AKAP19: variants seen among roughly 807,000 people sequenced by gnomAD.
AKAP19 encodes the protein small A-kinase anchoring protein.
the AKAP19 span, among the ~76,000 whole-genome samples, chr2:189,946,779 T>C: frequency 6.6e-6 from 1 of 152,328 alleles, no homozygotes; most frequent in East Asian, 1.9e-4. Context: ...ATGCTTTTAT[T>C]CTTTGGTTTT....
At chr2:190,151,069 A>G in the AKAP19 span, among the ~76,000 whole-genome samples, 1 of 152,230 alleles carries the variant, frequency 6.6e-6, no homozygotes, top group Non-Finnish European at 1.5e-5. Context: ...AAGAATACTT[A>G]TAAGCACTCA....
At chr2:190,145,803 A>C in the AKAP19 span, among the ~76,000 whole-genome samples, 1 of 149,458 alleles carries the variant, frequency 6.7e-6, no homozygotes, top group Non-Finnish European at 1.5e-5. Flanking sequence ...CTCTCTCTGT[A>C]TATATAGTGG....
chr2:189,970,658 G>A, the AKAP19 span, among the ~76,000 whole-genome samples: 1 of 152,180 alleles, frequency 6.6e-6, no homozygotes, highest in Non-Finnish European at 1.5e-5. Context: ...ACACTGCTAT[G>A]TTAAACAATA....
the AKAP19 span, among the ~76,000 whole-genome samples, chr2:190,070,852 C>T: frequency 6.6e-6 from 1 of 152,106 alleles, no homozygotes; most frequent in Non-Finnish European, 1.5e-5. Flanking sequence ...AATTCAAATA[C>T]TTGATAAAGT....
At chr2:190,049,066 C>T in the AKAP19 span, among the ~76,000 whole-genome samples, 1 of 152,084 alleles carries the variant, frequency 6.6e-6, no homozygotes, top group East Asian at 1.9e-4. Flanking sequence ...TATGTGACAT[C>T]ATACAAATAT....
chr2:190,096,055 A>G, the AKAP19 span, among the ~76,000 whole-genome samples: 1 of 152,136 alleles, frequency 6.6e-6, no homozygotes, highest in Non-Finnish European at 1.5e-5. Context: ...ATGGAGCTAA[A>G]CACCCATCCT....
At chr2:189,941,711 AG>A in the AKAP19 span, among the ~76,000 whole-genome samples, 1 of 152,236 alleles carries the variant, frequency 6.6e-6, no homozygotes, top group Non-Finnish European at 1.5e-5. Flanking sequence ...ACATACTAAC[AG>A]AAGGAAAAAT....
chr2:189,957,597 A>G, the AKAP19 span, among the ~76,000 whole-genome samples: 1 of 152,220 alleles, frequency 6.6e-6, no homozygotes, highest in African/African-American at 2.4e-5. Flanking sequence ...TAGTTAAATA[A>G]GAAGATATTA....
At chr2:189,953,654 A>AAAAAAC in the AKAP19 span, among the ~76,000 whole-genome samples, 4 of 151,726 alleles carry the variant, frequency 2.6e-5, 1 homozygote, top group Middle Eastern at 3.4e-3. Flanking sequence ...AAAAAAAAAA[A>AAAAAAC]AAAAACAAAG....
At chr2:190,182,121 C>T in the AKAP19 span, among the ~76,000 whole-genome samples, 1 of 152,224 alleles carries the variant, frequency 6.6e-6, no homozygotes, top group South Asian at 2.1e-4. Flanking sequence ...GCACTCCTGA[C>T]AGGCCAGCCA....
the AKAP19 span, among the ~76,000 whole-genome samples, chr2:189,978,603 T>C: frequency 3.3e-5 from 5 of 152,110 alleles, no homozygotes; most frequent in African/African-American, 1.2e-4. Context: ...GGCAACAGAG[T>C]GAGACCCCAT....
chr2:189,908,505 T>G, the AKAP19 span, among the ~76,000 whole-genome samples: 3 of 152,126 alleles, frequency 2.0e-5, no homozygotes, highest in Non-Finnish European at 2.9e-5. Flanking sequence ...CCCTATATAC[T>G]TACTTCTTAA....
chr2:190,127,871 A>G, the AKAP19 span, among the ~76,000 whole-genome samples: 7 of 152,170 alleles, frequency 4.6e-5, no homozygotes, highest in African/African-American at 1.7e-4. Context: ...TATGTGGTTC[A>G]AGGAGGTTTT....
chr2:190,141,151 G>A, the AKAP19 span, among the ~76,000 whole-genome samples: 1 of 152,126 alleles, frequency 6.6e-6, no homozygotes. Context: ...CATTCAACAA[G>A]TCTCTAGGAA....
chr2:189,920,318 C>A, the AKAP19 span, among the ~76,000 whole-genome samples: 1 of 152,180 alleles, frequency 6.6e-6, no homozygotes, highest in African/African-American at 2.4e-5. Context: ...TAACTTCCAT[C>A]TCATGGTCTA....
the AKAP19 span, among the ~76,000 whole-genome samples, chr2:190,064,851 A>C: frequency 1.3e-5 from 2 of 152,196 alleles, no homozygotes; most frequent in Non-Finnish European, 2.9e-5. Flanking sequence ...ATCACCTGGA[A>C]AAAAGTGAAC....
chr2:189,886,279 CAATT>C, the AKAP19 span, among the ~76,000 whole-genome samples: 11 of 152,086 alleles, frequency 7.2e-5, no homozygotes, highest in Middle Eastern at 3.2e-3. Context: ...AGTGAGAAAA[CAATT>C]AATATACTTT....
chr2:189,969,386 G>A, the AKAP19 span, among the ~76,000 whole-genome samples: 4 of 152,140 alleles, frequency 2.6e-5, no homozygotes, highest in African/African-American at 9.7e-5. Context: ...TGTGAGAAAT[G>A]TTTGTTGTTT....
chr2:189,990,584 A>G, the AKAP19 span, among the ~76,000 whole-genome samples: 35 of 152,238 alleles, frequency 2.3e-4, no homozygotes, highest in Non-Finnish European at 4.0e-4. Context: ...TTTCCTTGTG[A>G]TGTCTTTACG....
Sources: allele counts gnomAD v4.1 joint callset (sites outside exome capture counted in the v4.1 genomes callset), GRCh38; gene constraint gnomAD v4.1.1; transcripts MANE v1.5; gene names NCBI Gene and HGNC (gene_info 2026-07-23, HGNC 2026-07-21).